The following MYL10 variants were observed in gnomAD, a reference collection of about 807,000 sequenced individuals.
MYL10 encodes the protein myosin light chain 10.
MYL10 carries 18 observed loss-of-function variants against 21.9 expected under a neutral mutation model. The ratio of observed to expected loss-of-function variants is 0.82; its 90% CI spans 0.57 to 1.22. The LOEUF is 1.22. Among genes scored for constraint, MYL10 ranks in the 50% most tolerant of loss-of-function variants. The pLI is 0.00. For missense variants in MYL10, 225 were observed against 230.4 expected, an observed-to-expected ratio of 0.98 and a Z score of 0.15; for synonymous variants, 88 against 82.8, an observed-to-expected ratio of 1.06 and a Z score of -0.34.
intron 1 of MYL10, among the ~76,000 whole-genome samples, chr7:101,628,034 C>A (rs1796767260): frequency 6.6e-6 from 1 of 152,236 alleles, no homozygotes; most frequent in South Asian, 2.1e-4. Context: ...TCTGCACCAA[C>A]CTGGCCCTCG....
intron 1 of MYL10, among the ~76,000 whole-genome samples, chr7:101,624,468 G>A (rs1466088494): frequency 6.6e-6 from 1 of 152,170 alleles, no homozygotes; most frequent in African/African-American, 2.4e-5. Flanking sequence ...CCTGCACGGC[G>A]TGCACCCCCA....
At chr7:101,624,536 G>A (rs1391683683) in intron 1 of MYL10, among the ~76,000 whole-genome samples, 8 of 152,328 alleles carry the variant, frequency 5.3e-5, no homozygotes, top group South Asian at 2.1e-4. Context: ...GTGGGCAGCC[G>A]GTGCCCGTGC....
chr7:101,626,381 G>C (rs1417725067), intron 1 of MYL10, among the ~76,000 whole-genome samples: 1 of 152,180 alleles, frequency 6.6e-6, no homozygotes, highest in African/African-American at 2.4e-5. Context: ...AGGCTGACTC[G>C]GAGGAGGGAC....
chr7:101,619,410 T>C (rs945446006), intron 5 of MYL10, among the ~76,000 whole-genome samples: 1 of 152,142 alleles, frequency 6.6e-6, no homozygotes, highest in Non-Finnish European at 1.5e-5. Context: ...GGTTTCCTCA[T>C]CTCTCGCACC....
intron 2 of MYL10, 72 bp from the exon 3 acceptor site, chr7:101,624,093 G>T: frequency 1.2e-6 from 1 of 813,826 alleles, no homozygotes. Context: ...ACTGAGGACT[G>T]AGCCTCTGCC....
intron 1 of MYL10, among the ~76,000 whole-genome samples, chr7:101,628,194 C>T (rs1584543752): frequency 1.3e-5 from 2 of 152,346 alleles, no homozygotes; most frequent in South Asian, 2.1e-4. Context: ...TGGCTCACGC[C>T]TGTAATCCCA....
chr7:101,614,609 G>A (rs1039490566), intron 6 of MYL10, among the ~76,000 whole-genome samples: 3 of 152,148 alleles, frequency 2.0e-5, no homozygotes, highest in African/African-American at 7.2e-5. Context: ...CTCCGGGGGT[G>A]ACTCTGATGC....
At chr7:101,619,519 G>T (rs1396613040) in intron 5 of MYL10, among the ~76,000 whole-genome samples, 2 of 152,198 alleles carry the variant, frequency 1.3e-5, no homozygotes, top group African/African-American at 4.8e-5. Flanking sequence ...TGACAGTACT[G>T]ATTTTTCACC....
chr7:101,613,545 G>C lies in MYL10; in HGVS notation c.611C>G (p.Pro204Arg). The change falls in exon 8 of 8, where the codon CCA becomes CGA. Residue 204 changes from proline (P) to arginine (R), a missense_variant. Pro to Arg is a moderately radical substitution (Grantham distance 103, BLOSUM62 -2). Transcript: ENST00000223167. ...GTAGTCCAGGTTGCCGCACACATCT[G>C]GGGGAAATGCTGCAAACATCTGCTT... The part of the protein sequence containing the change: ...EVKQMFAAFP[P>R]DVCGNLDYRN... 3 of 1,614,100 alleles carry C rather than the reference G, an allele frequency of 1.9e-6. No homozygotes were observed. Among genetic ancestry groups the C allele is most frequent in the Non-Finnish European group, 1.7e-6 (2 of 1,179,998 alleles).
At chr7:101,615,793 C>T (rs1483100655) in intron 6 of MYL10, among the ~76,000 whole-genome samples, 2 of 148,634 alleles carry the variant, frequency 1.3e-5, no homozygotes, top group East Asian at 2.0e-4. Flanking sequence ...TTCCTGGGTT[C>T]GAGCGATTCT....
rs953886868 is a variant in MYL10, at chr7:101,623,946, T to C, written c.247A>G (p.Ser83Gly). 70 of 420,454 alleles carry C rather than the reference T, an allele frequency of 1.7e-4. No homozygotes were observed. Among genetic ancestry groups the C allele is most frequent in the Non-Finnish European group, 2.7e-4 (63 of 231,556 alleles). The allele number at this position is 420,454 out of a possible 1,614,324, so 26.0% of individuals were successfully genotyped here. The change falls in exon 3 of 8, where the codon AGC becomes GGC. Residue 83 changes from serine (S) to glycine (G), a missense_variant. Physicochemically the swap from Ser to Gly is moderately conservative, Grantham distance 56. Transcript: ENST00000223167. ...TGGGAGGCTGAGGCAGGAGAATTGC[T>C]TGAACCCGTGAGGCAGAGGTTGCAG... ...AHCNLCLTGS[S>G]NSPASASQAF...
In MYL10 at chr7:101,616,276, A is replaced by G; in HGVS notation, c.477T>C (p.Ile159=). The change falls in exon 6 of 8, where the codon ATT becomes ATC. Residue 159 remains isoleucine, a synonymous_variant. Coordinates refer to ENST00000223167, the MANE Select transcript of MYL10 (RefSeq NM_138403.5). ...TGTCGAACACTTTGAAGGCGTGGAG[A>G]ATGGTCTCCTCTGGGTCCGTGCCTA... ...KLKGTDPEET[I]LHAFKVFDTE... 6.2e-7 allele frequency: 1 copy of G among 1,614,088 alleles called. No homozygotes were observed. Among genetic ancestry groups the G allele is most frequent in the South Asian group, 1.1e-5 (1 of 91,084 alleles).
intron 6 of MYL10, 93 bp downstream of exon 6, chr7:101,616,127 C>T: frequency 9.6e-7 from 1 of 1,044,592 alleles, no homozygotes; most frequent in Non-Finnish European, 1.5e-6. Flanking sequence ...CTCCTGGCTT[C>T]TGGGAGAGGA....
chr7:101,624,938 C>T lies in MYL10; in HGVS notation c.79-674G>A, dbSNP rs114703109. Among the ~76,000 whole-genome samples, 1,183 of 152,188 alleles carry T rather than the reference C, an allele frequency of 7.8e-3. 13 individuals are homozygous for T. The highest frequency in any genetic ancestry group is 0.027 in the African/African-American group (1,105 of 41,518). Reference sequence around the variant, plus strand: ...CTGACCCCAGGCCACTCTCCCCTCCCCACATGGCTCCACTGTGGACTGTCA... The same window carrying T: ...CTGACCCCAGGCCACTCTCCCCTCCTCACATGGCTCCACTGTGGACTGTCA... On this transcript the variant is annotated intron_variant, in intron 1 of 7. Transcript: ENST00000223167.
intron 1 of MYL10, among the ~76,000 whole-genome samples, chr7:101,626,873 G>C (rs1014791440): frequency 6.6e-5 from 10 of 152,226 alleles, no homozygotes; most frequent in Admixed American, 2.6e-4. Context: ...CAAGAGCAAA[G>C]AGCAGGTCAG....
chr7:101,613,926 G>T (rs978246983), intron 6 of MYL10, among the ~76,000 whole-genome samples: 4 of 152,100 alleles, frequency 2.6e-5, no homozygotes, highest in Non-Finnish European at 5.9e-5. Flanking sequence ...CCAGCATCAG[G>T]TAGGGACCAA....
At chr7:101,628,231 A>T (rs960087918) in intron 1 of MYL10, among the ~76,000 whole-genome samples, 2 of 152,174 alleles carry the variant, frequency 1.3e-5, no homozygotes, top group Non-Finnish European at 2.9e-5. Context: ...AGAGGGAAGG[A>T]TCGCTTCAGG....
intron 5 of MYL10, among the ~76,000 whole-genome samples, chr7:101,618,311 G>A (rs1041146640): frequency 2.6e-5 from 4 of 152,204 alleles, no homozygotes; most frequent in South Asian, 2.1e-4. Flanking sequence ...GCCTCTAGGC[G>A]GGTGAGGGTT....
At chr7:101,616,617 C>T (rs1264936698) in intron 5 of MYL10, among the ~76,000 whole-genome samples, 2 of 152,212 alleles carry the variant, frequency 1.3e-5, no homozygotes, top group Non-Finnish European at 2.9e-5. Context: ...CCCTATTTTA[C>T]AGATGGAAAA....
Sources: gnomAD v4.1 joint callset for allele counts (sites outside exome capture counted in the v4.1 genomes callset) on GRCh38, gnomAD v4.1.1 for gene constraint, MANE v1.5 for transcripts, NCBI Gene and HGNC (gene_info 2026-07-23, HGNC 2026-07-21) for gene names.